The following NEGR1 variants were observed in gnomAD, a reference collection of about 807,000 sequenced individuals.
The protein encoded by NEGR1 is neuronal growth regulator 1.
A neutral mutation model predicts 40.9 loss-of-function variants in NEGR1; 10 were observed. That is an observed-to-expected ratio of 0.24 (90% CI 0.15 to 0.42). The LOEUF is 0.42. Ranked by LOEUF, NEGR1 falls within the 10% of genes least tolerant of loss-of-function variation. The pLI, the probability that NEGR1 is intolerant of heterozygous loss-of-function variation, is 1.00. For missense variants in NEGR1, 352 were observed against 438.9 expected (o/e 0.80, Z 1.77); for synonymous variants, 185 against 166.8 (o/e 1.11, Z -0.84).
intron 1 of NEGR1, among the ~76,000 whole-genome samples, chr1:71,964,894 C>T (rs2100303417): frequency 6.6e-6 from 1 of 151,838 alleles, no homozygotes; most frequent in Admixed American, 6.6e-5. Context: ...TCATGTTCAA[C>T]TTGAGGAAAC....
intron 4 of NEGR1, among the ~76,000 whole-genome samples, chr1:71,636,460 G>A: frequency 6.6e-6 from 1 of 152,036 alleles, no homozygotes; most frequent in East Asian, 1.9e-4. Context: ...TCTATGTGAT[G>A]AGCAAAACAC....
At chr1:71,833,217 AT>A (rs1204264636) in intron 2 of NEGR1, among the ~76,000 whole-genome samples, 1 of 152,074 alleles carries the variant, frequency 6.6e-6, no homozygotes, top group African/African-American at 2.4e-5. Context: ...AGTCAAATGC[AT>A]TATGAACATC....
At chr1:71,822,202 C>T (rs1658456013) in intron 2 of NEGR1, among the ~76,000 whole-genome samples, 1 of 151,852 alleles carries the variant, frequency 6.6e-6, no homozygotes, top group African/African-American at 2.4e-5. Flanking sequence ...CAAGAGGTGG[C>T]CTATGCAAAT....
intron 1 of NEGR1, among the ~76,000 whole-genome samples, chr1:72,010,108 A>T (rs950312865): frequency 6.6e-6 from 1 of 152,146 alleles, no homozygotes; most frequent in African/African-American, 2.4e-5. Flanking sequence ...TTGTCAGTTT[A>T]ATTTGCTATT....
At chr1:71,587,664 GCA>G (rs67250351) in intron 6 of NEGR1, among the ~76,000 whole-genome samples, 36 of 150,680 alleles carry the variant, frequency 2.4e-4, no homozygotes, top group South Asian at 2.3e-3. Context: ...ACACACACAT[GCA>G]CACACACACA....
At chr1:71,651,293 A>T (rs145113291) in intron 4 of NEGR1, among the ~76,000 whole-genome samples, 110 of 152,236 alleles carry the variant, frequency 7.2e-4, no homozygotes, top group African/African-American at 2.5e-3. Flanking sequence ...GATGGGGGGA[A>T]ATGACTGAAG....
intron 6 of NEGR1, among the ~76,000 whole-genome samples, chr1:71,494,432 A>G (rs1646948935): frequency 6.6e-6 from 1 of 152,194 alleles, no homozygotes; most frequent in South Asian, 2.1e-4. Context: ...CCATGACTCC[A>G]CAGGAAGAAG....
At chr1:72,241,748 T>C (rs2100515144) in intron 1 of NEGR1, among the ~76,000 whole-genome samples, 1 of 151,642 alleles carries the variant, frequency 6.6e-6, no homozygotes, top group Middle Eastern at 3.4e-3. Flanking sequence ...TTCTGAGCAG[T>C]TACCTAGAAA....
In NEGR1 at chr1:71,597,470, C is replaced by CTGTGTG. The variant is rs1365847832; in HGVS notation, c.789-4503_789-4502insCACACA. ...TCTCTCTCTCTCTCTCTCTCTCTCTCTCTGTGTGTGTGTGTGTGTGTGTGT... is the reference window on the plus strand; with the variant it reads ...TCTCTCTCTCTCTCTCTCTCTCTCTCTGTGTGTCTGTGTGTGTGTGTGTGTGTGTGT... On this transcript the variant is annotated intron_variant, in intron 5 of 6. Coordinates refer to ENST00000357731, the MANE Select transcript of NEGR1 (RefSeq NM_173808.3). Among the ~76,000 whole-genome samples, 167 of 24,780 alleles carry CTGTGTG rather than the reference C, an allele frequency of 6.7e-3. 1 individual carries two copies. The highest frequency in any genetic ancestry group is 0.016 in the Non-Finnish European group (115 of 7,000). 16.3% of individuals were successfully genotyped at this position (24,780 alleles called of 152,430 possible).
chr1:71,702,492 T>C (rs539795149), intron 3 of NEGR1, among the ~76,000 whole-genome samples: 10 of 152,162 alleles, frequency 6.6e-5, no homozygotes, highest in Admixed American at 1.3e-4. Context: ...AGTTATAGCC[T>C]AGAAGGCCTT....
intron 1 of NEGR1, among the ~76,000 whole-genome samples, chr1:71,937,755 C>T (rs556531166): frequency 6.6e-6 from 1 of 152,198 alleles, no homozygotes; most frequent in Admixed American, 6.5e-5. Flanking sequence ...CTGAATGTGA[C>T]CAACTGCTTA....
At chr1:71,437,501 C>G (rs1039080189) in intron 6 of NEGR1, among the ~76,000 whole-genome samples, 1 of 151,746 alleles carries the variant, frequency 6.6e-6, no homozygotes, top group African/African-American at 2.4e-5. Flanking sequence ...AAATAATGGC[C>G]ACTTTGTAAA....
At chr1:71,642,148 C>T (rs1651374915) in intron 4 of NEGR1, among the ~76,000 whole-genome samples, 1 of 151,884 alleles carries the variant, frequency 6.6e-6, no homozygotes, top group South Asian at 2.1e-4. Flanking sequence ...GACATTCAGA[C>T]GTTCATTGGG....
At chr1:71,977,890 C>T (rs144768946) in intron 1 of NEGR1, among the ~76,000 whole-genome samples, 10 of 151,964 alleles carry the variant, frequency 6.6e-5, no homozygotes, top group African/African-American at 2.2e-4. Context: ...CCTAATTTCG[C>T]TCTCTGCCAG....
chr1:71,413,238 C>T (rs11209781), intron 6 of NEGR1, among the ~76,000 whole-genome samples: 142,015 of 152,224 alleles, frequency 0.93, 66,700 homozygotes, highest in Non-Finnish European at 0.99. Flanking sequence ...ATAAACACTC[C>T]CTCAAGGATG....
At chr1:71,609,514 CAAAAAAAAAAAAAAAAAAAAAAAAAAA>C (rs61728217) in intron 5 of NEGR1, among the ~76,000 whole-genome samples, 2 of 24,100 alleles carry the variant, frequency 8.3e-5, no homozygotes, top group East Asian at 4.0e-3. Flanking sequence ...GACTCCGTCT[CAAAAAAAAAAAAAAAAAAAAAAAAAAA>C]AAAAAAAAAA....
At chr1:71,644,980 G>A (rs1248630477) in intron 4 of NEGR1, among the ~76,000 whole-genome samples, 1 of 151,700 alleles carries the variant, frequency 6.6e-6, no homozygotes, top group African/African-American at 2.4e-5. Context: ...TTTTCTACTG[G>A]CTTTCCTACT....
intron 1 of NEGR1, among the ~76,000 whole-genome samples, chr1:72,074,357 T>C (rs369356229): frequency 3.3e-5 from 5 of 152,122 alleles, no homozygotes; most frequent in South Asian, 4.1e-4. Context: ...GTGCCTCAAA[T>C]ATTTATATAG....
At chr1:71,818,390 A>C (rs909436080) in intron 2 of NEGR1, among the ~76,000 whole-genome samples, 6 of 152,006 alleles carry the variant, frequency 3.9e-5, no homozygotes, top group African/African-American at 1.4e-4. Context: ...TTGCAACAGC[A>C]ACAAGGAGGC....
Sources: gnomAD v4.1 joint callset for allele counts (sites outside exome capture counted in the v4.1 genomes callset) on GRCh38, gnomAD v4.1.1 for gene constraint, MANE v1.5 for transcripts, NCBI Gene and HGNC (gene_info 2026-07-23, HGNC 2026-07-21) for gene names.